Variants in MGAT4C observed in about 807,000 individuals in gnomAD.
MGAT4C encodes MGAT4 family member C.
MGAT4C carries 19 observed loss-of-function variants against 40.1 expected under a neutral mutation model. The ratio of observed to expected loss-of-function variants is 0.47; its 90% CI spans 0.33 to 0.70. MGAT4C has a LOEUF of 0.70. MGAT4C is among the 30% of genes least tolerant of loss of function. The pLI, the probability that MGAT4C is intolerant of heterozygous loss-of-function variation, is 0.02. For missense variants in MGAT4C, 491 were observed against 563.2 expected (o/e 0.87, Z 1.30); for synonymous variants, 181 against 187.1 (o/e 0.97, Z 0.27).
At chr12:86,045,637 AT>A (rs1240017686) in intron 2 of MGAT4C, among the ~76,000 whole-genome samples, 9 of 152,190 alleles carry the variant, frequency 5.9e-5, no homozygotes, top group Non-Finnish European at 1.3e-4. Context: ...ATTTTTACTT[AT>A]CTGATCTCCT....
intron 1 of MGAT4C, among the ~76,000 whole-genome samples, chr12:86,774,353 C>CTT (rs1565981803): frequency 1.1e-4 from 2 of 18,088 alleles, no homozygotes; most frequent in East Asian, 1.3e-3. Context: ...CTCTCTCTCT[C>CTT]CCCTCTCTCT....
chr12:86,525,041 T>C (rs1592950921), intron 2 of MGAT4C, among the ~76,000 whole-genome samples: 1 of 152,176 alleles, frequency 6.6e-6, no homozygotes, highest in Non-Finnish European at 1.5e-5. Flanking sequence ...TCGATTATAT[T>C]GATATTCTGA....
At chr12:86,017,657 G>A (rs1379152635) in intron 2 of MGAT4C, among the ~76,000 whole-genome samples, 1 of 152,088 alleles carries the variant, frequency 6.6e-6, no homozygotes. Flanking sequence ...AACCTAATCT[G>A]TCTAATATCA....
At chr12:86,012,894 T>A (rs1383998135) in intron 2 of MGAT4C, among the ~76,000 whole-genome samples, 3 of 151,206 alleles carry the variant, frequency 2.0e-5, no homozygotes, top group Non-Finnish European at 4.4e-5. Flanking sequence ...GAGGCTGAGT[T>A]GGGAGGATTG....
chr12:86,258,333 A>ATCTG (rs1952584695), upstream of MGAT4C, among the ~76,000 whole-genome samples: 2 of 149,544 alleles, frequency 1.3e-5, no homozygotes, highest in African/African-American at 2.5e-5. Context: ...CTATCTATCT[A>ATCTG]TCTACATTCA....
At chr12:86,438,916 C>T (rs1450322766) in intron 2 of MGAT4C, among the ~76,000 whole-genome samples, 1 of 151,654 alleles carries the variant, frequency 6.6e-6, no homozygotes, top group Non-Finnish European at 1.5e-5. Flanking sequence ...AAAGGATAAT[C>T]CAACAAAAAG....
Position 86,720,901 on chromosome 12 carries a change from A to C in MGAT4C, c.-229+6308T>G, listed in dbSNP as rs191823702. Among the ~76,000 whole-genome samples, 51 of 152,258 alleles carry C rather than the reference A, an allele frequency of 3.3e-4. 1 individual carries two copies. Among genetic ancestry groups the C allele is most frequent in the African/African-American group, 1.2e-3 (50 of 41,560 alleles). On this transcript the variant is annotated intron_variant, in intron 2 of 7. Transcript: ENST00000548651. ...GTGGTTGAGAGTTGGGAAATAATAA[A>C]CCATAATATTTAAGGAAGATGTCTT...
intron 1 of MGAT4C, among the ~76,000 whole-genome samples, chr12:86,834,531 T>C (rs890759382): frequency 6.6e-6 from 1 of 151,708 alleles, no homozygotes; most frequent in South Asian, 2.1e-4. Context: ...GGCCATATAA[T>C]AGTATTTTGT....
At position 86,337,897 on chromosome 12, in the gene MGAT4C, G is replaced by A. The variant is rs534599547; in HGVS notation, c.-119-3770C>T. On this transcript the variant is annotated intron_variant, in intron 3 of 7. Transcript: ENST00000548651. Reference sequence around the variant, plus strand: ...AGTCTTTGTAGGAATCACTTCATATGTTTTATAAGAGAATTGTTTAATCAA... The same window carrying A: ...AGTCTTTGTAGGAATCACTTCATATATTTTATAAGAGAATTGTTTAATCAA... Among the ~76,000 whole-genome samples the A allele has an allele frequency of 3.3e-5, 5 of 152,258 alleles. No homozygotes were observed. In the South Asian group the frequency reaches 6.2e-4, roughly 19 times the overall value.
intron 2 of MGAT4C, among the ~76,000 whole-genome samples, chr12:86,012,370 AC>A (rs1418935715): frequency 1.3e-5 from 2 of 152,186 alleles, no homozygotes; most frequent in Non-Finnish European, 2.9e-5. Flanking sequence ...TGTACCAAAT[AC>A]ATGCAGCATT....
chr12:86,716,815 G>C (rs1419622093), intron 2 of MGAT4C, among the ~76,000 whole-genome samples: 1 of 152,060 alleles, frequency 6.6e-6, no homozygotes, highest in South Asian at 2.1e-4. Flanking sequence ...AAGTTGAGAT[G>C]GGGATAAGAC....
At chr12:86,703,489 T>C (rs752714794) in intron 2 of MGAT4C, among the ~76,000 whole-genome samples, 7 of 152,250 alleles carry the variant, frequency 4.6e-5, no homozygotes, top group Admixed American at 6.6e-5. Context: ...ACATCAACAT[T>C]GAGGCAAGAC....
At chr12:86,259,874 C>T (rs1046077156), upstream of MGAT4C, among the ~76,000 whole-genome samples, 1 of 4,570 alleles carries the variant, frequency 2.2e-4, no homozygotes, top group Non-Finnish European at 3.6e-4. Context: ...ATAAAGCATA[C>T]AACACTAGAT....
chr12:86,174,587 AT>A (rs1255548833), intron 1 of MGAT4C, among the ~76,000 whole-genome samples: 2 of 152,128 alleles, frequency 1.3e-5, no homozygotes, highest in Non-Finnish European at 2.9e-5. Context: ...AGGTTCTACC[AT>A]TTATTGCTCT....
chr12:86,397,070 A>G (rs915280589), intron 3 of MGAT4C, among the ~76,000 whole-genome samples: 3 of 133,684 alleles, frequency 2.2e-5, no homozygotes, highest in African/African-American at 8.3e-5. Flanking sequence ...GGAGGCCTGC[A>G]TTTTATTATT....
intron 2 of MGAT4C, among the ~76,000 whole-genome samples, chr12:86,521,918 G>A (rs773145551): frequency 6.5e-4 from 99 of 152,196 alleles, no homozygotes; most frequent in Middle Eastern, 6.8e-3. Flanking sequence ...TGTTGTTGTA[G>A]TGTAGGAATG....
intron 1 of MGAT4C, among the ~76,000 whole-genome samples, chr12:86,124,207 C>A (rs1879889455): frequency 6.6e-6 from 1 of 152,120 alleles, no homozygotes; most frequent in South Asian, 2.1e-4. Context: ...TTAGCATCTG[C>A]TTCTCTCAAA....
Position 85,969,996 on chromosome 12 carries a change from C to T in MGAT4C, c.*9293G>A, listed in dbSNP as rs1248648822. The T allele has an allele frequency of 1.3e-5, 2 of 151,272 alleles. No homozygotes were observed. Among genetic ancestry groups the T allele is most frequent in the Non-Finnish European group, 3.0e-5 (2 of 67,462 alleles). The allele number at this position is 151,272 out of a possible 1,614,324, so 9.4% of individuals were successfully genotyped here. A position where few individuals can be genotyped will look rare whatever the true frequency, so the allele number is the denominator to read the frequency against. ...CTTGGCTGAGCTTACATTAAGTGAT[C>T]TGTAAATTAGAAGTTATTTGTTATA... On this transcript the variant is annotated 3_prime_UTR_variant, in exon 5 of 5. Coordinates refer to ENST00000611864, the MANE Select transcript of MGAT4C (RefSeq NM_001351288.2).
intron 3 of MGAT4C, among the ~76,000 whole-genome samples, chr12:86,433,717 C>T (rs1006318914): frequency 5.9e-5 from 9 of 151,806 alleles, no homozygotes; most frequent in East Asian, 1.9e-4. Context: ...AAGGGGAAAA[C>T]GGCATTGCTA....
Sources: allele counts gnomAD v4.1 joint callset (sites outside exome capture counted in the v4.1 genomes callset), GRCh38; gene constraint gnomAD v4.1.1; transcripts MANE v1.5; gene names NCBI Gene and HGNC (gene_info 2026-07-23, HGNC 2026-07-21).